GRM7: variants seen among roughly 807,000 people sequenced by gnomAD.
GRM7 encodes metabotropic glutamate receptor 7.
In GRM7, 35 loss-of-function variants were observed where a neutral mutation model predicts 84.5. The observed-to-expected ratio is 0.41, with a 90% CI of 0.32 to 0.55. The LOEUF is 0.55. Ranked by LOEUF, GRM7 falls within the 20% of genes least tolerant of loss-of-function variation. The probability of loss-of-function intolerance (pLI) is 0.19; values close to 1 mark genes in which losing one functional copy is unlikely to be tolerated. For missense variants in GRM7, 1,003 were observed against 1,194.6 expected, an observed-to-expected ratio of 0.84 and a Z score of 2.36; for synonymous variants, 487 against 455.1, an observed-to-expected ratio of 1.07 and a Z score of -0.89.
intron 1 of GRM7, chr3:6,893,980 A>G (rs926328955): frequency 4.6e-5 from 7 of 152,170 alleles, no homozygotes; most frequent in Admixed American, 1.3e-4. Context: ...GGGCATATGA[A>G]CAGCTTCCAT....
rs1355117814 is a variant in GRM7, at chr3:7,301,985, G to T, written c.878+3160G>T. ...TGCTAAATCAGTCATGGGTATAGAT[G>T]ATTTGGATTTTAGACAAGCGTGGAT... On this transcript the variant is annotated intron_variant, in intron 3 of 9. Transcript: ENST00000357716. 2.0e-5 allele frequency among the ~76,000 whole-genome samples: 3 copies of T among 152,076 alleles called. No homozygotes were observed. In the East Asian group the frequency reaches 5.8e-4, roughly 29 times the overall value.
At chr3:7,364,617 T>C (rs1367522617) in intron 4 of GRM7, among the ~76,000 whole-genome samples, 1 of 151,962 alleles carries the variant, frequency 6.6e-6, no homozygotes, top group African/African-American at 2.4e-5. Flanking sequence ...CCAGGAAATA[T>C]ACATTTTATT....
intron 9 of GRM7, among the ~76,000 whole-genome samples, chr3:7,689,473 G>A (rs1447988877): frequency 6.6e-6 from 1 of 152,010 alleles, no homozygotes; most frequent in Non-Finnish European, 1.5e-5. Flanking sequence ...AATCACCTTG[G>A]GAATAAATGC....
intron 7 of GRM7, among the ~76,000 whole-genome samples, chr3:7,561,258 C>G (rs1055535938): frequency 1.3e-5 from 2 of 152,070 alleles, no homozygotes; most frequent in Admixed American, 1.3e-4. Flanking sequence ...CTCCAATATT[C>G]TAGAAAAGGA....
intron 1 of GRM7, among the ~76,000 whole-genome samples, chr3:7,010,962 C>G (rs1421219898): frequency 6.6e-6 from 1 of 152,194 alleles, no homozygotes; most frequent in African/African-American, 2.4e-5. Context: ...ACTTCCAGTT[C>G]TCTCAAAGTG....
intron 1 of GRM7, among the ~76,000 whole-genome samples, chr3:7,001,376 A>G (rs765023881): frequency 3.3e-5 from 5 of 152,178 alleles, no homozygotes; most frequent in African/African-American, 7.2e-5. Context: ...TTAAAAATAA[A>G]GGCTATCTGT....
At chr3:7,419,148 G>C (rs551894961) in intron 5 of GRM7, among the ~76,000 whole-genome samples, 1 of 152,142 alleles carries the variant, frequency 6.6e-6, no homozygotes, top group Admixed American at 6.5e-5. Context: ...AAACAAGTAC[G>C]TAAGTATAGA....
chr3:7,003,068 G>A lies in GRM7; in HGVS notation c.519+141161G>A, dbSNP rs544876809. Among the ~76,000 whole-genome samples the A allele has an allele frequency of 7.9e-5, 12 of 152,258 alleles. No individual in the cohort carries two copies. The East Asian group carries it at 1.9e-3, about 24-fold the overall frequency. ...CTCAACAAAACTCAGAGTAGAAAGTGTTAACAGAGGCTGCGGGTTGAGGGG... is the reference window on the plus strand; with the variant it reads ...CTCAACAAAACTCAGAGTAGAAAGTATTAACAGAGGCTGCGGGTTGAGGGG... On this transcript the variant is annotated intron_variant, in intron 1 of 9. Coordinates refer to ENST00000357716, the MANE Select transcript of GRM7 (RefSeq NM_000844.4).
intron 7 of GRM7, among the ~76,000 whole-genome samples, chr3:7,529,915 T>TC (rs1464654988): frequency 6.7e-6 from 1 of 149,566 alleles, no homozygotes; most frequent in African/African-American, 2.5e-5. Flanking sequence ...ACCTTTTCTT[T>TC]TTTTTTTTTT....
chr3:6,877,479 C>T (rs1240259466), intron 1 of GRM7, among the ~76,000 whole-genome samples: 1 of 152,172 alleles, frequency 6.6e-6, no homozygotes, highest in Non-Finnish European at 1.5e-5. Flanking sequence ...CTGCAGCTAC[C>T]TGCCATCCCC....
intron 4 of GRM7, among the ~76,000 whole-genome samples, chr3:7,377,406 T>G (rs1310751166): frequency 6.6e-6 from 1 of 152,164 alleles, no homozygotes; most frequent in Non-Finnish European, 1.5e-5. Context: ...TTGTAAAATG[T>G]TAGAATTAAG....
intron 2 of GRM7, among the ~76,000 whole-genome samples, chr3:7,169,195 G>A (rs928043757): frequency 2.0e-5 from 3 of 151,968 alleles, no homozygotes; most frequent in Admixed American, 1.3e-4. Context: ...GCATAGGGGT[G>A]CATTTTTTTT....
In GRM7 at chr3:7,019,435, G is replaced by A. The variant is rs374427389; in HGVS notation, c.520-127017G>A. Among the ~76,000 whole-genome samples the A allele has an allele frequency of 6.6e-5, 10 of 152,206 alleles. No homozygotes were observed. In the East Asian group the frequency reaches 1.2e-3, roughly 18 times the overall value. ...TTTCACTGCTATAAAAATCCCCCAT[G>A]CTCTGCCTATCCATCCCTCTCTCTC... On this transcript the variant is annotated intron_variant, in intron 1 of 9. Coordinates refer to ENST00000357716, the MANE Select transcript of GRM7 (RefSeq NM_000844.4).
intron 1 of GRM7, among the ~76,000 whole-genome samples, chr3:7,070,790 G>T (rs1697849262): frequency 6.6e-6 from 1 of 152,010 alleles, no homozygotes; most frequent in Admixed American, 6.6e-5. Context: ...GAAGAACTGA[G>T]AACTGTAGAC....
intron 1 of GRM7, among the ~76,000 whole-genome samples, chr3:6,915,161 C>T (rs571867601): frequency 3.1e-4 from 46 of 150,112 alleles, no homozygotes; most frequent in Non-Finnish European, 5.1e-4. Context: ...TAAAGAGTCA[C>T]GCTTTTATGA....
chr3:7,233,671 A>G (rs976275688), intron 2 of GRM7, among the ~76,000 whole-genome samples: 6 of 152,152 alleles, frequency 3.9e-5, no homozygotes, highest in Non-Finnish European at 8.8e-5. Flanking sequence ...CCCTTGTTTG[A>G]GTGAAGAAAA....
chr3:7,047,546 T>A lies in GRM7; in HGVS notation c.520-98906T>A, dbSNP rs1395893251. Among the ~76,000 whole-genome samples the A allele has an allele frequency of 3.9e-5, 6 of 152,076 alleles. 1 individual carries two copies. The highest frequency in any genetic ancestry group is 1.4e-4 in the African/African-American group (6 of 41,444). On this transcript the variant is annotated intron_variant, in intron 1 of 9. Coordinates refer to ENST00000357716, the MANE Select transcript of GRM7 (RefSeq NM_000844.4). ...AATTAATGACAAAGTCAAAATAAAC[T>A]TCCAGGCCTCTGTAGTTCCAGCCAG...
chr3:6,890,563 G>C (rs1394339375), intron 1 of GRM7, among the ~76,000 whole-genome samples: 3 of 152,130 alleles, frequency 2.0e-5, no homozygotes, highest in African/African-American at 4.8e-5. Flanking sequence ...TCTTAATCCT[G>C]AGTTCTAGTT....
chr3:6,893,355 T>C (rs1696044917), intron 1 of GRM7, among the ~76,000 whole-genome samples: 2 of 152,176 alleles, frequency 1.3e-5, no homozygotes. Flanking sequence ...GTAAATTACT[T>C]TAAAGTATCT....
Sources: gnomAD v4.1 joint callset for allele counts (sites outside exome capture counted in the v4.1 genomes callset) on GRCh38, gnomAD v4.1.1 for gene constraint, MANE v1.5 for transcripts, NCBI Gene and HGNC (gene_info 2026-07-23, HGNC 2026-07-21) for gene names.